Variants in MAP7 observed in about 807,000 individuals in gnomAD.
MAP7 encodes microtubule associated protein 7, also known as ensconsin.
MAP7 carries 52 observed loss-of-function variants against 94.8 expected under a neutral mutation model. The observed-to-expected ratio is 0.55, with a 90% confidence interval of 0.44 to 0.69. The LOEUF is 0.69. MAP7 is among the 30% of genes least tolerant of loss of function. The probability of loss-of-function intolerance (pLI) is 0.00; values close to 1 mark genes in which losing one functional copy is unlikely to be tolerated. For synonymous variants in MAP7, 350 were observed against 357.0 expected, an observed-to-expected ratio of 0.98 and a Z score of 0.22; for missense variants, 940 against 964.6, an observed-to-expected ratio of 0.97 and a Z score of 0.34.
chr6:136,456,362 A>C (rs1034393673), intron 1 of MAP7, among the ~76,000 whole-genome samples: 2 of 152,134 alleles, frequency 1.3e-5, no homozygotes, highest in Non-Finnish European at 2.9e-5. Context: ...TTATAGCTAT[A>C]AATGCCTACA....
chr6:136,342,932 T>C lies in MAP7; in HGVS notation c.*1296A>G, dbSNP rs939635678. 6.6e-6 allele frequency: 1 copy of C among 150,858 alleles called. No homozygotes were observed. Among genetic ancestry groups the C allele is most frequent in the African/African-American group, 2.5e-5 (1 of 40,478 alleles). 9.3% of individuals were successfully genotyped at this position (150,858 alleles called of 1,614,324 possible). On this transcript the variant is annotated 3_prime_UTR_variant, in exon 18 of 18. Transcript: ENST00000354570. Reference sequence around the variant, plus strand: ...GACCATATGCCTGGATTAAAAAAAATAGTCCAATAGATGAAGTCTCTCATT... The same window carrying C: ...GACCATATGCCTGGATTAAAAAAAACAGTCCAATAGATGAAGTCTCTCATT...
At chr6:136,408,998 T>C (rs1443624538) in intron 3 of MAP7, among the ~76,000 whole-genome samples, 2 of 151,934 alleles carry the variant, frequency 1.3e-5, no homozygotes, top group African/African-American at 4.8e-5. Flanking sequence ...CCTGTATTTA[T>C]GAAGATTGAA....
chr6:136,486,482 C>T (rs553557281), intron 1 of MAP7, among the ~76,000 whole-genome samples: 1 of 152,312 alleles, frequency 6.6e-6, no homozygotes, highest in African/African-American at 2.4e-5. Context: ...TATAATTTCA[C>T]TAATAGCAAC....
At chr6:136,349,443 G>A (rs994503791) in intron 16 of MAP7, among the ~76,000 whole-genome samples, 2 of 152,056 alleles carry the variant, frequency 1.3e-5, no homozygotes, top group Non-Finnish European at 1.5e-5. Context: ...GTGCAATCAC[G>A]GCTTACTGCA....
At chr6:136,434,770 G>A (rs1176917303) in intron 1 of MAP7, among the ~76,000 whole-genome samples, 4 of 152,168 alleles carry the variant, frequency 2.6e-5, no homozygotes, top group Admixed American at 6.5e-5. Flanking sequence ...CAAAAGAGTG[G>A]TTTTACAAGC....
chr6:136,476,154 G>A (rs1047904344), intron 1 of MAP7: 2 of 152,144 alleles, frequency 1.3e-5, no homozygotes, highest in Non-Finnish European at 2.9e-5. Flanking sequence ...AATGTAAGGT[G>A]TCCCACACAG....
intron 1 of MAP7, among the ~76,000 whole-genome samples, chr6:136,477,801 A>C (rs1811422280): frequency 6.6e-6 from 1 of 152,254 alleles, no homozygotes; most frequent in African/African-American, 2.4e-5. Flanking sequence ...ACTATAGATC[A>C]AATTGATCTA....
rs747191899 is a variant in MAP7 at position 136,343,860 on chromosome 6, T to C, written c.*368A>G. 2.5e-5 allele frequency: 4 copies of C among 160,292 alleles called. No individual in the cohort carries two copies. Among genetic ancestry groups the C allele is most frequent in the Non-Finnish European group, 5.4e-5 (4 of 73,654 alleles). 9.9% of individuals were successfully genotyped at this position (160,292 alleles called of 1,614,324 possible). On this transcript the variant is annotated 3_prime_UTR_variant, in exon 18 of 18. Coordinates refer to ENST00000354570, the MANE Select transcript of MAP7 (RefSeq NM_003980.6). Reference sequence around the variant, plus strand: ...ATTATAAAAGGTAAAAAATTTTTTTTGCCAATTTTACATGTTAAGCTTTTA... The same window carrying C: ...ATTATAAAAGGTAAAAAATTTTTTTCGCCAATTTTACATGTTAAGCTTTTA...
chr6:136,522,759 C>T (rs1168890723), intron 1 of MAP7, among the ~76,000 whole-genome samples: 1 of 152,208 alleles, frequency 6.6e-6, no homozygotes, highest in East Asian at 1.9e-4. Flanking sequence ...TGGTCAAGCA[C>T]AGTGGCTCAC....
chr6:136,348,014 C>A (rs1206759754), intron 16 of MAP7, among the ~76,000 whole-genome samples: 1 of 140,236 alleles, frequency 7.1e-6, no homozygotes, highest in Non-Finnish European at 1.6e-5. Context: ...TGCACATGCC[C>A]CCCCCCCCAA....
intron 1 of MAP7, among the ~76,000 whole-genome samples, chr6:136,444,007 C>A (rs575429704): frequency 1.1e-4 from 17 of 152,170 alleles, no homozygotes; most frequent in Non-Finnish European, 2.1e-4. Flanking sequence ...CTGCACCTTA[C>A]GATGGTTTGA....
intron 8 of MAP7, among the ~76,000 whole-genome samples, chr6:136,371,267 T>C (rs1270925160): frequency 2.6e-5 from 4 of 152,322 alleles, no homozygotes; most frequent in South Asian, 2.1e-4. Flanking sequence ...CAAGATAGTT[T>C]TTCCATGGTA....
intron 1 of MAP7, among the ~76,000 whole-genome samples, chr6:136,549,744 T>C (rs1317487802): frequency 6.6e-6 from 1 of 152,206 alleles, no homozygotes; most frequent in Non-Finnish European, 1.5e-5. Flanking sequence ...ACCCCCACCG[T>C]GCTGCACTGG....
At chr6:136,487,510 G>C (rs1562454698) in intron 1 of MAP7, among the ~76,000 whole-genome samples, 1 of 151,980 alleles carries the variant, frequency 6.6e-6, no homozygotes, top group Non-Finnish European at 1.5e-5. Flanking sequence ...CAGGAATCCT[G>C]GGTAACATAG....
At chr6:136,393,971 C>T (rs1460690974) in intron 3 of MAP7, among the ~76,000 whole-genome samples, 2 of 126,174 alleles carry the variant, frequency 1.6e-5, no homozygotes, top group African/African-American at 5.9e-5. Flanking sequence ...ATCTCTGCAG[C>T]AAAGGTATTT....
At chr6:136,426,427 T>C (rs929105000) in intron 1 of MAP7, among the ~76,000 whole-genome samples, 5 of 152,198 alleles carry the variant, frequency 3.3e-5, no homozygotes, top group Non-Finnish European at 4.4e-5. Context: ...GGAGAGACAG[T>C]GTGCACATAC....
chr6:136,389,453 C>G lies in MAP7; in HGVS notation c.309G>C (p.Leu103=). 1.9e-6 allele frequency: 3 copies of G among 1,610,348 alleles called. No individual in the cohort carries two copies. Among genetic ancestry groups the G allele is most frequent in the Non-Finnish European group, 2.5e-6 (3 of 1,178,664 alleles). Residue 103 remains leucine, a synonymous_variant, in exon 4 of 18, where the codon CTG becomes CTC. Coordinates refer to ENST00000354570, the MANE Select transcript of MAP7 (RefSeq NM_003980.6). ...ERARQHYEKH[L]EERKKRLEEQ... is the part of the protein sequence containing the mutation. ...CCTCCAACCTCTTCTTCCGCTCTTC[C>G]AGGTGCTTCTCGTAGTGCTGCCTGG...
At chr6:136,506,204 T>G (rs556809421) in intron 1 of MAP7, among the ~76,000 whole-genome samples, 1 of 152,120 alleles carries the variant, frequency 6.6e-6, no homozygotes, top group Non-Finnish European at 1.5e-5. Context: ...TATAACAATA[T>G]CAAATAGGGA....
intron 1 of MAP7, among the ~76,000 whole-genome samples, chr6:136,478,886 T>C (rs923079569): frequency 4.0e-5 from 6 of 148,316 alleles, no homozygotes; most frequent in Admixed American, 2.1e-4. Context: ...CTAATGCTAA[T>C]CCTACTCAAA....
Sources: allele counts gnomAD v4.1 joint callset (sites outside exome capture counted in the v4.1 genomes callset), GRCh38; gene constraint gnomAD v4.1.1; transcripts MANE v1.5; gene names NCBI Gene and HGNC (gene_info 2026-07-23, HGNC 2026-07-21).